The following ECT2L variants were observed in gnomAD, a reference collection of about 807,000 sequenced individuals.
ECT2L encodes the protein epithelial cell-transforming sequence 2 oncogene-like.
In ECT2L, 126 loss-of-function variants were observed where a neutral mutation model predicts 122.8. The observed-to-expected ratio is 1.03, with a 90% confidence interval of 0.89 to 1.19. The LOEUF is 1.19. Among genes scored for constraint, ECT2L ranks in the 50% most tolerant of loss-of-function variants. The pLI, the probability that ECT2L is intolerant of heterozygous loss-of-function variation, is 0.00. For missense variants in ECT2L, 1,012 were observed against 1,064.1 expected (o/e 0.95, Z 0.68); for synonymous variants, 385 against 381.8 (o/e 1.01, Z -0.10).
chr6:138,890,546 C>G (rs1270572937), intron 20 of ECT2L, among the ~76,000 whole-genome samples: 1 of 115,710 alleles, frequency 8.6e-6, no homozygotes, highest in Non-Finnish European at 1.6e-5. Context: ...AAAACAGCTA[C>G]AATGATGGAA....
chr6:138,882,220 C>T (rs1009516696), intron 15 of ECT2L, among the ~76,000 whole-genome samples: 1 of 152,182 alleles, frequency 6.6e-6, no homozygotes, highest in African/African-American at 2.4e-5. Flanking sequence ...TAACTTGGAA[C>T]AAGTTCTTTC....
chr6:138,862,825 A>C, intron 11 of ECT2L, 106 bp downstream of exon 11: 1 of 847,288 alleles, frequency 1.2e-6, no homozygotes, highest in Non-Finnish European at 1.9e-6. Context: ...GATATCCATT[A>C]CTCTCTTTCA....
chr6:138,796,626 A>T (rs550293438), intron 1 of ECT2L, among the ~76,000 whole-genome samples: 5 of 152,226 alleles, frequency 3.3e-5, no homozygotes, highest in African/African-American at 1.2e-4. Flanking sequence ...GGAATGAGGG[A>T]GGAATACAAA....
At position 138,881,053 on chromosome 6, in the gene ECT2L, G is replaced by A. The variant is rs769129930; in HGVS notation, c.1762G>A (p.Val588Met). The A allele has an allele frequency of 6.2e-7, 1 of 1,614,200 alleles. No individual in the cohort carries two copies. The highest frequency in any genetic ancestry group is 8.5e-7 in the Non-Finnish European group (1 of 1,180,030). The change falls in exon 15 of 22, where the codon GTG (valine) becomes ATG (methionine). Residue 588 changes from valine to methionine, a missense_variant. By Grantham distance (21) the Val-to-Met change is conservative (BLOSUM62 1). Coordinates refer to ENST00000541398, the MANE Select transcript of ECT2L (RefSeq NM_001077706.3). ...AAAATACGTGCAGATACTGGAAATT[G>A]TGAGAGATGTTTATGTCGCACCACT... ...ERKYVQILEIVRDVYVAPLKA... is the reference protein window; with the variant it reads ...ERKYVQILEIMRDVYVAPLKA...
chr6:138,863,679 G>A (rs943924094), intron 11 of ECT2L, among the ~76,000 whole-genome samples: 2 of 151,176 alleles, frequency 1.3e-5, no homozygotes, highest in South Asian at 2.1e-4. Flanking sequence ...GCACGTTCTC[G>A]ATCTAGGCTC....
chr6:138,803,512 C>T (rs1316814420), intron 1 of ECT2L, among the ~76,000 whole-genome samples: 6 of 152,290 alleles, frequency 3.9e-5, no homozygotes, highest in African/African-American at 1.4e-4. Flanking sequence ...TTGGATTTCA[C>T]ATAACAACAG....
At chr6:138,830,016 G>A (rs1042698991) in intron 4 of ECT2L, among the ~76,000 whole-genome samples, 13 of 152,098 alleles carry the variant, frequency 8.5e-5, no homozygotes, top group African/African-American at 2.2e-4. Flanking sequence ...GAGCCACCGC[G>A]CCCAGCCTAA....
At chr6:138,851,656 T>C (rs899615264) in intron 9 of ECT2L, among the ~76,000 whole-genome samples, 1 of 152,118 alleles carries the variant, frequency 6.6e-6, no homozygotes, top group African/African-American at 2.4e-5. Flanking sequence ...TGCACATTTT[T>C]AAAAATTGGG....
In ECT2L at chr6:138,814,439, T is replaced by A. The variant is rs1232246984; in HGVS notation, c.67-52T>A. 3.4e-6 allele frequency: 4 copies of A among 1,173,290 alleles called. No individual in the cohort carries two copies. In the African/African-American group the frequency reaches 4.6e-5, roughly 13 times the overall value. The allele number at this position is 1,173,290 out of a possible 1,614,324, so 72.7% of individuals were successfully genotyped here. A position where few individuals can be genotyped will look rare whatever the true frequency, so the allele number is the denominator to read the frequency against. On this transcript the variant is annotated intron_variant, in intron 3 of 21. Coordinates refer to ENST00000541398, the MANE Select transcript of ECT2L (RefSeq NM_001077706.3). ...GATTGTCTAAAGATTGCTTAGCAATTAAAAACAATGAACTGTACAGCAAAT... is the reference window on the plus strand; with the variant it reads ...GATTGTCTAAAGATTGCTTAGCAATAAAAAACAATGAACTGTACAGCAAAT...
At chr6:138,812,537 C>G (rs1425079164) in intron 1 of ECT2L, among the ~76,000 whole-genome samples, 2 of 152,224 alleles carry the variant, frequency 1.3e-5, no homozygotes, top group African/African-American at 4.8e-5. Context: ...GATGCAGTGG[C>G]TCATGCCTGT....
intron 20 of ECT2L, among the ~76,000 whole-genome samples, chr6:138,897,907 T>C (rs1397950238): frequency 6.6e-6 from 1 of 152,218 alleles, no homozygotes; most frequent in Non-Finnish European, 1.5e-5. Context: ...TGAACATCAA[T>C]TTACCAAAGC....
intron 16 of ECT2L, among the ~76,000 whole-genome samples, chr6:138,884,306 T>C (rs1242613792): frequency 6.6e-6 from 1 of 152,200 alleles, no homozygotes; most frequent in Non-Finnish European, 1.5e-5. Context: ...GAGGTAACTT[T>C]ACGGGTGCTC....
At chr6:138,840,179 C>G (rs577074900) in intron 5 of ECT2L, among the ~76,000 whole-genome samples, 2 of 152,078 alleles carry the variant, frequency 1.3e-5, no homozygotes, top group Admixed American at 6.6e-5. Context: ...TCACCCTCAT[C>G]ATCTTCATGT....
At chr6:138,869,043 T>G (rs1778151074) in intron 13 of ECT2L, among the ~76,000 whole-genome samples, 1 of 152,158 alleles carries the variant, frequency 6.6e-6, no homozygotes, top group Non-Finnish European at 1.5e-5. Context: ...GGCGGGCACC[T>G]GTAATCCCAG....
Position 138,838,334 on chromosome 6 carries a change from A to G in ECT2L, c.180-18A>G. The G allele has an allele frequency of 6.4e-7, 1 of 1,565,854 alleles. No individual in the cohort carries two copies. Among genetic ancestry groups the G allele is most frequent in the East Asian group, 2.3e-5 (1 of 43,490 alleles). On this transcript the variant is annotated intron_variant, in intron 4 of 21. Transcript: ENST00000541398. ...TTTAGACATTAGTGTTCTAAACTAA[A>G]TTTCTCTTTCTTTTTAGGTTTGTCC...
rs1582621101 is a variant in ECT2L at position 138,856,630 on chromosome 6, C to T, written c.1198+2476C>T. ...GGATTTAATGGCCCAATTTTCTCAC[C>T]ACTCCCTTGCAAAGAATCTGAACTT... On this transcript the variant is annotated intron_variant, in intron 10 of 21. Transcript: ENST00000541398. 2.0e-5 allele frequency among the ~76,000 whole-genome samples: 3 copies of T among 152,286 alleles called. No individual in the cohort carries two copies. In the South Asian group the frequency reaches 6.2e-4, roughly 32 times the overall value.
intron 1 of ECT2L, among the ~76,000 whole-genome samples, chr6:138,800,729 T>C (rs181640218): frequency 1.4e-3 from 208 of 152,348 alleles, no homozygotes; most frequent in African/African-American, 4.8e-3. Flanking sequence ...TACTAATAAC[T>C]TGCTTTTTTA....
At chr6:138,817,258 T>C (rs116592332) in intron 4 of ECT2L, among the ~76,000 whole-genome samples, 3,648 of 152,322 alleles carry the variant, frequency 0.024, 132 homozygotes, top group African/African-American at 0.082. Flanking sequence ...GTCCAAGTTT[T>C]GCATAGAGAT....
chr6:138,886,796 T>C, intron 18 of ECT2L, 61 bp from the exon 19 acceptor site: 1 of 1,166,034 alleles, frequency 8.6e-7, no homozygotes, highest in East Asian at 2.5e-5. Flanking sequence ...TTTAATCTAT[T>C]TCTTTTATGA....
Sources: allele counts gnomAD v4.1 joint callset (sites outside exome capture counted in the v4.1 genomes callset), GRCh38; gene constraint gnomAD v4.1.1; transcripts MANE v1.5; gene names NCBI Gene and HGNC (gene_info 2026-07-23, HGNC 2026-07-21).